ITFG1: variants seen among roughly 807,000 people sequenced by gnomAD.
ITFG1 encodes the protein integrin alpha FG-GAP repeat containing 1, also known as T-cell immunomodulatory protein.
A neutral mutation model predicts 81.8 loss-of-function variants in ITFG1; 34 were observed. The ratio of observed to expected loss-of-function variants is 0.42; its 90% confidence interval spans 0.32 to 0.55. The LOEUF is 0.55. Ranked by LOEUF, ITFG1 falls within the 20% of genes least tolerant of loss-of-function variation. The pLI is 0.17. For synonymous variants in ITFG1, 285 were observed against 270.6 expected, an observed-to-expected ratio of 1.05 and a Z score of -0.52; for missense variants, 672 against 755.4, an observed-to-expected ratio of 0.89 and a Z score of 1.29.
chr16:47,255,427 G>C (rs1338967213), intron 12 of ITFG1, among the ~76,000 whole-genome samples: 3 of 152,106 alleles, frequency 2.0e-5, no homozygotes, highest in African/African-American at 7.2e-5. Flanking sequence ...AACCAGGAAA[G>C]GCATTTCAAT....
intron 13 of ITFG1, among the ~76,000 whole-genome samples, chr16:47,231,423 A>G (rs1381693537): frequency 1.3e-5 from 2 of 152,258 alleles, no homozygotes; most frequent in Non-Finnish European, 1.5e-5. Flanking sequence ...ATCAGAAAAC[A>G]GGAATATAAA....
chr16:47,252,648 T>C (rs1966091092), intron 12 of ITFG1, among the ~76,000 whole-genome samples: 2 of 152,214 alleles, frequency 1.3e-5, no homozygotes, highest in Admixed American at 1.3e-4. Flanking sequence ...GCTGTGGATC[T>C]GCTGTGCTGT....
At chr16:47,439,416 T>C (rs754450877) in intron 5 of ITFG1, among the ~76,000 whole-genome samples, 1 of 151,766 alleles carries the variant, frequency 6.6e-6, no homozygotes, top group Non-Finnish European at 1.5e-5. Flanking sequence ...AAAGAAAAAA[T>C]GTTAAGGACA....
At chr16:47,445,245 CAG>C (rs1491379210) in intron 5 of ITFG1, among the ~76,000 whole-genome samples, 3 of 74,474 alleles carry the variant, frequency 4.0e-5, no homozygotes, top group African/African-American at 1.7e-4. Context: ...GACTCCGTCT[CAG>C]AAAAAAAAAA....
At chr16:47,454,841 G>A (rs1233202008) in intron 2 of ITFG1, among the ~76,000 whole-genome samples, 1 of 151,924 alleles carries the variant, frequency 6.6e-6, no homozygotes, top group Admixed American at 6.6e-5. Context: ...TTATCTGAGC[G>A]ACCCAAGCAA....
intron 13 of ITFG1, among the ~76,000 whole-genome samples, chr16:47,226,494 T>G (rs889999979): frequency 2.0e-5 from 3 of 151,816 alleles, no homozygotes; most frequent in South Asian, 2.1e-4. Context: ...TTAGCATTAG[T>G]TATATCACCT....
intron 5 of ITFG1, 145 bp downstream of exon 5, chr16:47,451,251 T>A (rs755711590): frequency 5.7e-5 from 27 of 469,932 alleles, no homozygotes; most frequent in Non-Finnish European, 9.4e-5. Context: ...AAATCCAAAC[T>A]ATTTGAGAAA....
chr16:47,216,506 T>C (rs1965626586), intron 14 of ITFG1, among the ~76,000 whole-genome samples: 1 of 152,240 alleles, frequency 6.6e-6, no homozygotes, highest in East Asian at 1.9e-4. Flanking sequence ...CAGCGCATCT[T>C]TTTTAAACAA....
chr16:47,394,326 A>C (rs1353840412), intron 6 of ITFG1, among the ~76,000 whole-genome samples: 1 of 152,204 alleles, frequency 6.6e-6, no homozygotes, highest in Non-Finnish European at 1.5e-5. Context: ...TATACTTTTA[A>C]GTCAGCTGAG....
At chr16:47,430,497 G>T (rs1419682953) in intron 5 of ITFG1, among the ~76,000 whole-genome samples, 1 of 151,968 alleles carries the variant, frequency 6.6e-6, no homozygotes, top group Non-Finnish European at 1.5e-5. Flanking sequence ...ATGAAAATTT[G>T]CCTGTTTTCT....
intron 13 of ITFG1, among the ~76,000 whole-genome samples, chr16:47,232,062 A>T (rs571853743): frequency 6.6e-5 from 10 of 152,358 alleles, no homozygotes; most frequent in African/African-American, 2.4e-4. Flanking sequence ...AGCCTCAAGA[A>T]GCTGGAAAAG....
chr16:47,369,833 C>CTTTTTTTTTTTTTTTTTTTTTTTTTT (rs71134539), intron 7 of ITFG1, among the ~76,000 whole-genome samples: 1 of 51,708 alleles, frequency 1.9e-5, no homozygotes, highest in Non-Finnish European at 3.4e-5. Context: ...TCAATATCCT[C>CTTTTTTTTTTTTTTTTTTTTTTTTTT]TTTTTTTTTT....
At chr16:47,348,002 A>G (rs925512814) in intron 8 of ITFG1, among the ~76,000 whole-genome samples, 1 of 152,244 alleles carries the variant, frequency 6.6e-6, no homozygotes, top group Non-Finnish European at 1.5e-5. Context: ...CTGAGGGTCC[A>G]GAATGTTAAA....
At chr16:47,302,709 G>C (rs147825239) in intron 10 of ITFG1, among the ~76,000 whole-genome samples, 1 of 152,256 alleles carries the variant, frequency 6.6e-6, no homozygotes, top group East Asian at 1.9e-4. Flanking sequence ...CTCTTATTTT[G>C]ACAACTTCTC....
intron 10 of ITFG1, among the ~76,000 whole-genome samples, chr16:47,269,628 T>C (rs1160169271): frequency 1.3e-5 from 2 of 151,638 alleles, no homozygotes; most frequent in African/African-American, 4.8e-5. Context: ...AAATTAAACA[T>C]CTAAAATAAA....
chr16:47,422,266 A>G lies in ITFG1; in HGVS notation c.655+6538T>C, dbSNP rs370801247. Among the ~76,000 whole-genome samples, 29 of 152,348 alleles carry G rather than the reference A, an allele frequency of 1.9e-4. 1 individual carries two copies. The South Asian group carries it at 5.6e-3, about 29-fold the overall frequency. ...AGGAATCACCACACTGTCTTCCACA[A>G]TGGTCGAACTAACTTACACTCACAC... On this transcript the variant is annotated intron_variant, in intron 6 of 17. Transcript: ENST00000320640.
At chr16:47,421,610 T>A (rs1345316079) in intron 6 of ITFG1, among the ~76,000 whole-genome samples, 1 of 152,204 alleles carries the variant, frequency 6.6e-6, no homozygotes, top group African/African-American at 2.4e-5. Context: ...GACTAGCCAG[T>A]CTATATTTTT....
At position 47,315,768 on chromosome 16, in the gene ITFG1, C is replaced by CATATATATATATATATATATATATAT. The variant is rs546244760; in HGVS notation, c.803-1946_803-1945insATATATATATATATATATATATATAT. On this transcript the variant is annotated intron_variant, in intron 8 of 17. Transcript: ENST00000320640. ...GTGTTTCTTGTGCTATTCTAAATGC[C>CATATATATATATATATATATATATAT]ATATATATATACACATATATATAAT... 7.3e-3 allele frequency among the ~76,000 whole-genome samples: 1,057 copies of CATATATATATATATATATATATATAT among 144,278 alleles called. 20 individuals carry two copies. The highest frequency in any genetic ancestry group is 0.027 in the African/African-American group (940 of 34,884). The allele number at this position is 144,278 out of a possible 152,430, so 94.7% of individuals were successfully genotyped here. A position where few individuals can be genotyped will look rare whatever the true frequency, so the allele number is the denominator to read the frequency against.
chr16:47,174,702 T>C (rs1317223344), intron 14 of ITFG1, among the ~76,000 whole-genome samples: 1 of 152,188 alleles, frequency 6.6e-6, no homozygotes, highest in African/African-American at 2.4e-5. Flanking sequence ...GTATTTTTAG[T>C]AGAGACAGGG....
Sources: gnomAD v4.1 joint callset for allele counts (sites outside exome capture counted in the v4.1 genomes callset) on GRCh38, gnomAD v4.1.1 for gene constraint, MANE v1.5 for transcripts, NCBI Gene and HGNC (gene_info 2026-07-23, HGNC 2026-07-21) for gene names.